SULT1B1: variants seen among roughly 807,000 people sequenced by gnomAD.
The protein encoded by SULT1B1 is sulfotransferase family 1B member 1, also known as sulfotransferase 1B1.
A neutral mutation model predicts 34.6 loss-of-function variants in SULT1B1; 28 were observed. That is an observed-to-expected ratio of 0.81 (90% confidence interval 0.60 to 1.11). The LOEUF is 1.11. Among genes scored for constraint, SULT1B1 ranks in the 50% least tolerant of loss-of-function variants. The pLI is 0.00. For synonymous variants in SULT1B1, 147 were observed against 110.2 expected (o/e 1.33, Z -2.09); for missense variants, 374 against 352.2 (o/e 1.06, Z -0.50).
chr4:69,727,276 G>C (rs1438549686), intron 7 of SULT1B1, 76 bp from the exon 8 acceptor site: 2 of 1,067,460 alleles, frequency 1.9e-6, no homozygotes, highest in Non-Finnish European at 2.6e-6. Flanking sequence ...CAAAGGAAAA[G>C]ATTAGAAGGC....
chr4:69,725,708 C>A lies in SULT1B1; in HGVS notation c.*1380G>T, dbSNP rs1269789777. On this transcript the variant is annotated 3_prime_UTR_variant, in exon 8 of 8. Transcript: ENST00000310613. ...GTGCAGCCATAAAAAATGATGAGTT[C>A]ATGTCCTTTGTAGGGACATGGATAA... 6.6e-6 allele frequency: 1 copy of A among 151,972 alleles called. No homozygotes were observed. Among genetic ancestry groups the A allele is most frequent in the East Asian group, 1.9e-4 (1 of 5,172 alleles). The allele number at this position is 151,972 out of a possible 1,614,324, so 9.4% of individuals were successfully genotyped here. A position where few individuals can be genotyped will look rare whatever the true frequency, so the allele number is the denominator to read the frequency against.
Position 69,755,080 on chromosome 4 carries a change from A to G in SULT1B1, c.138T>C (p.Tyr46=), listed in dbSNP as rs1341995743. ...SRPDDIVIAT[Y]PKSGTTWVSE... ...GGCCACAGAACTCACCTGATTTAGG[A>G]TAAGTGGCTATCACAATGTCATCTG... Residue 46 remains tyrosine (Y), a synonymous_variant, in exon 2 of 8, where the codon TAT becomes TAC. Transcript: ENST00000310613. The G allele has an allele frequency of 7.4e-6, 12 of 1,612,936 alleles. No homozygotes were observed. The Admixed American group carries it at 1.0e-4, about 13-fold the overall frequency.
intron 4 of SULT1B1, among the ~76,000 whole-genome samples, chr4:69,748,208 T>C (rs189526838): frequency 6.6e-6 from 1 of 151,996 alleles, no homozygotes; most frequent in Non-Finnish European, 1.5e-5. Flanking sequence ...AATGCAAACA[T>C]TAATCAGTAA....
At position 69,723,086 on chromosome 4, in the gene SULT1B1, G is replaced by T. The variant is rs1471489265; in HGVS notation, c.*4002C>A. ...CAAAAAATCAGTGAATTCAGGAGCT[G>T]GTTTTTCGAAAAGATCAACAAAATT... On this transcript the variant is annotated 3_prime_UTR_variant, in exon 8 of 8. Coordinates refer to ENST00000310613, the MANE Select transcript of SULT1B1 (RefSeq NM_014465.4). 6.6e-6 allele frequency: 1 copy of T among 151,894 alleles called. No individual in the cohort carries two copies. The highest frequency in any genetic ancestry group is 6.6e-5 in the Admixed American group (1 of 15,232). The allele number at this position is 151,894 out of a possible 1,614,324, so 9.4% of individuals were successfully genotyped here. A position where few individuals can be genotyped will look rare whatever the true frequency, so the allele number is the denominator to read the frequency against.
chr4:69,743,609 T>A (rs1426631405), intron 4 of SULT1B1, among the ~76,000 whole-genome samples: 3 of 152,154 alleles, frequency 2.0e-5, no homozygotes, highest in Non-Finnish European at 4.4e-5. Context: ...CCAAGGCTGT[T>A]ACTGCCAAGG....
At chr4:69,749,333 G>A (rs769643829) in intron 4 of SULT1B1, among the ~76,000 whole-genome samples, 2 of 152,032 alleles carry the variant, frequency 1.3e-5, no homozygotes, top group Non-Finnish European at 2.9e-5. Flanking sequence ...TAAATAAATA[G>A]AATTTGAAGT....
intron 4 of SULT1B1, among the ~76,000 whole-genome samples, chr4:69,737,520 T>C (rs767549483): frequency 2.6e-5 from 4 of 152,208 alleles, no homozygotes; most frequent in Non-Finnish European, 5.9e-5. Context: ...TCTGATGCGG[T>C]GTTCAGTTTA....
At chr4:69,729,727 C>T (rs577499916) in intron 7 of SULT1B1, among the ~76,000 whole-genome samples, 2 of 152,158 alleles carry the variant, frequency 1.3e-5, no homozygotes, top group African/African-American at 2.4e-5. Context: ...AGGCTATGCT[C>T]ACTTCCTAGC....
intron 1 of SULT1B1, among the ~76,000 whole-genome samples, chr4:69,759,470 G>A (rs952958016): frequency 6.6e-6 from 1 of 152,204 alleles, no homozygotes; most frequent in Non-Finnish European, 1.5e-5. Context: ...AGGATGGAAT[G>A]AGTAGGAAGA....
At chr4:69,758,344 G>A in intron 1 of SULT1B1, 2 of 985,398 alleles carry the variant, frequency 2.0e-6, no homozygotes, top group Non-Finnish European at 2.4e-6. Flanking sequence ...CCCCTTCTCA[G>A]TTTGGATATA....
intron 3 of SULT1B1, among the ~76,000 whole-genome samples, chr4:69,751,138 G>C (rs1478943831): frequency 6.6e-6 from 1 of 152,076 alleles, no homozygotes; most frequent in African/African-American, 2.4e-5. Flanking sequence ...CTCCATCAGG[G>C]ATTTTACTAT....
At chr4:69,756,648 C>T (rs757578939) in intron 1 of SULT1B1, among the ~76,000 whole-genome samples, 5 of 152,136 alleles carry the variant, frequency 3.3e-5, no homozygotes, top group Non-Finnish European at 5.9e-5. Flanking sequence ...AAGCATTGCT[C>T]TTCCTGGATC....
chr4:69,742,425 T>G lies in SULT1B1; in HGVS notation c.375+7296A>C, dbSNP rs147267891. On this transcript the variant is annotated intron_variant, in intron 4 of 7. Coordinates refer to ENST00000310613, the MANE Select transcript of SULT1B1 (RefSeq NM_014465.4). ...GTCCTTCTTCCTTGACTTTTTGAAA[T>G]AATTTTAGTAGGATTGGTATTAGTT... 9.1e-4 allele frequency among the ~76,000 whole-genome samples: 138 copies of G among 152,340 alleles called. 2 individuals are homozygous for G. The East Asian group carries it at 0.02, about 22-fold the overall frequency.
chr4:69,745,390 G>A (rs542531765), intron 4 of SULT1B1, among the ~76,000 whole-genome samples: 15 of 152,288 alleles, frequency 9.8e-5, no homozygotes, highest in Non-Finnish European at 1.8e-4. Flanking sequence ...ATGCTCTAAA[G>A]TTGGATGCAT....
At chr4:69,754,449 A>C (rs190724692) in intron 3 of SULT1B1, among the ~76,000 whole-genome samples, 1 of 152,322 alleles carries the variant, frequency 6.6e-6, no homozygotes, top group East Asian at 1.9e-4. Context: ...TCAAATTTTT[A>C]ATTGTTTTGT....
intron 4 of SULT1B1, among the ~76,000 whole-genome samples, chr4:69,745,598 G>T (rs899336384): frequency 6.6e-6 from 1 of 152,150 alleles, no homozygotes; most frequent in Non-Finnish European, 1.5e-5. Context: ...TATGGGTGTT[G>T]TTGCATGTGA....
chr4:69,734,148 T>C lies in SULT1B1; in HGVS notation c.492A>G (p.Leu164=). 6.2e-7 allele frequency: 1 copy of C among 1,609,274 alleles called. No individual in the cohort carries two copies. ...GTWEEYLEKF[L]TGKVAYGSWF... is the part of the protein sequence containing the mutation. ...ATAAAGTCCACATACCTTTTCCAGTTAAGAATTTCTCCAGATATTCTTCCC... is the reference window on the plus strand; with the variant it reads ...ATAAAGTCCACATACCTTTTCCAGTCAAGAATTTCTCCAGATATTCTTCCC... The change falls in exon 5 of 8, where the codon TTA becomes TTG. Residue 164 remains leucine (L), a synonymous_variant. Transcript: ENST00000310613.
intron 1 of SULT1B1, among the ~76,000 whole-genome samples, chr4:69,758,845 T>C (rs1222209129): frequency 1.3e-5 from 2 of 152,216 alleles, no homozygotes; most frequent in Non-Finnish European, 2.9e-5. Context: ...TATTCTTTTA[T>C]ATGCATAAAA....
At chr4:69,748,123 T>C (rs1379379727) in intron 4 of SULT1B1, among the ~76,000 whole-genome samples, 1 of 152,176 alleles carries the variant, frequency 6.6e-6, no homozygotes, top group African/African-American at 2.4e-5. Context: ...CTTAGCTGTA[T>C]GCTGTTCAAA....
Sources: gnomAD v4.1 joint callset for allele counts (sites outside exome capture counted in the v4.1 genomes callset) on GRCh38, gnomAD v4.1.1 for gene constraint, MANE v1.5 for transcripts, NCBI Gene and HGNC (gene_info 2026-07-23, HGNC 2026-07-21) for gene names.